Variants in PPM1L observed in about 807,000 individuals in gnomAD.
The protein encoded by PPM1L is protein phosphatase, Mg2+/Mn2+ dependent 1L.
In PPM1L, 13 loss-of-function variants were observed where a neutral mutation model predicts 31.4. That is an observed-to-expected ratio of 0.41 (90% confidence interval 0.27 to 0.66). PPM1L has a LOEUF of 0.66. PPM1L is among the 30% of genes least tolerant of loss of function. The pLI, the probability that PPM1L is intolerant of heterozygous loss-of-function variation, is 0.29. For missense variants in PPM1L, 326 were observed against 453.7 expected (o/e 0.72, Z 2.56); for synonymous variants, 184 against 175.4 (o/e 1.05, Z -0.39).
chr3:160,995,009 G>A (rs73875440), intron 2 of PPM1L, among the ~76,000 whole-genome samples: 339 of 152,258 alleles, frequency 2.2e-3, no homozygotes, highest in African/African-American at 7.9e-3. Flanking sequence ...TTGAAGAGAT[G>A]ATGAGGAAGG....
intron 1 of PPM1L, among the ~76,000 whole-genome samples, chr3:160,922,226 C>T (rs887968646): frequency 1.6e-4 from 25 of 152,192 alleles, no homozygotes; most frequent in East Asian, 1.9e-4. Context: ...AGGAGAATGG[C>T]GTGAACCTGG....
intron 2 of PPM1L, among the ~76,000 whole-genome samples, chr3:161,012,418 G>A (rs570707285): frequency 3.6e-4 from 55 of 152,246 alleles, no homozygotes; most frequent in Non-Finnish European, 7.1e-4. Flanking sequence ...GATTCGGTTT[G>A]CTAGTATTTT....
intron 1 of PPM1L, among the ~76,000 whole-genome samples, chr3:160,857,321 C>T (rs1023792345): frequency 6.6e-6 from 1 of 152,140 alleles, no homozygotes; most frequent in African/African-American, 2.4e-5. Flanking sequence ...GTCCTTATGA[C>T]TTATACCATT....
chr3:160,961,912 T>C lies in PPM1L; in HGVS notation c.574+2T>C. 6.5e-7 allele frequency: 1 copy of C among 1,545,864 alleles called. No homozygotes were observed. The highest frequency in any genetic ancestry group is 8.7e-7 in the Non-Finnish European group (1 of 1,153,392). On this transcript the variant is annotated splice_donor_variant, in intron 2 of 3. Transcript: ENST00000498165. LOFTEE classifies it high-confidence loss of function. ...TGACTGTATCCTATGATGAAGCAGG[T>C]ATGTTTGTTTTTAAAACACACATTT... is the stretch of plus-strand genomic sequence containing the variant.
intron 2 of PPM1L, among the ~76,000 whole-genome samples, chr3:161,039,585 C>G (rs939324006): frequency 6.6e-6 from 1 of 152,008 alleles, no homozygotes; most frequent in African/African-American, 2.4e-5. Context: ...TGCAGGGGTG[C>G]GATCTCGGCT....
At chr3:160,942,953 GA>G (rs1715210128) in intron 1 of PPM1L, among the ~76,000 whole-genome samples, 1 of 151,904 alleles carries the variant, frequency 6.6e-6, no homozygotes, top group Non-Finnish European at 1.5e-5. Flanking sequence ...CTGAAGGATA[GA>G]CTTTTTTTTT....
intron 1 of PPM1L, among the ~76,000 whole-genome samples, chr3:160,848,934 C>T (rs1462683206): frequency 6.6e-6 from 1 of 151,942 alleles, no homozygotes; most frequent in Non-Finnish European, 1.5e-5. Flanking sequence ...GAAAACCTCT[C>T]ATTTTTTTCC....
At chr3:160,911,505 C>T (rs1713972835) in intron 1 of PPM1L, among the ~76,000 whole-genome samples, 1 of 152,236 alleles carries the variant, frequency 6.6e-6, no homozygotes, top group Admixed American at 6.5e-5. Context: ...GCCTCAACCA[C>T]TTGTGAGTGA....
At chr3:160,918,202 G>T (rs1293272900) in intron 1 of PPM1L, among the ~76,000 whole-genome samples, 3 of 152,194 alleles carry the variant, frequency 2.0e-5, no homozygotes, top group Non-Finnish European at 4.4e-5. Context: ...TCTTTCCGAT[G>T]AGACTGAAAG....
intron 1 of PPM1L, among the ~76,000 whole-genome samples, chr3:160,912,167 G>C (rs114295274): frequency 0.012 from 1,817 of 152,204 alleles, 20 homozygotes; most frequent in Non-Finnish European, 0.018. Flanking sequence ...GACATCATGT[G>C]GGGTATGTAA....
chr3:161,047,173 T>C (rs111486931), intron 2 of PPM1L, among the ~76,000 whole-genome samples: 2,534 of 152,260 alleles, frequency 0.017, 79 homozygotes, highest in African/African-American at 0.058. Context: ...GGTGACATGA[T>C]TGCATATTTA....
At chr3:160,835,911 C>T (rs1469397344) in intron 1 of PPM1L, among the ~76,000 whole-genome samples, 1 of 151,992 alleles carries the variant, frequency 6.6e-6, no homozygotes, top group Non-Finnish European at 1.5e-5. Flanking sequence ...ATCACAGTGA[C>T]ATTATCCAGG....
At chr3:160,844,836 A>G (rs911651339) in intron 1 of PPM1L, among the ~76,000 whole-genome samples, 3 of 152,058 alleles carry the variant, frequency 2.0e-5, no homozygotes, top group Admixed American at 6.6e-5. Flanking sequence ...TCATTCTGAT[A>G]AGTTTTAGAA....
intron 2 of PPM1L, among the ~76,000 whole-genome samples, chr3:160,996,442 G>T (rs1416154977): frequency 6.6e-6 from 1 of 152,136 alleles, no homozygotes; most frequent in Non-Finnish European, 1.5e-5. Flanking sequence ...TATATATCAT[G>T]CAATACTACT....
intron 1 of PPM1L, among the ~76,000 whole-genome samples, chr3:160,937,591 G>A (rs1364226715): frequency 2.0e-5 from 3 of 152,062 alleles, no homozygotes; most frequent in African/African-American, 7.2e-5. Context: ...CTGCACTCCA[G>A]CCTGGGTGAC....
intron 1 of PPM1L, among the ~76,000 whole-genome samples, chr3:160,867,668 ATTT>A (rs991568015): frequency 3.9e-5 from 6 of 152,080 alleles, no homozygotes; most frequent in African/African-American, 7.2e-5. Flanking sequence ...TGAAAATATG[ATTT>A]TTTATTTTTT....
At chr3:160,836,384 G>A (rs890932131) in intron 1 of PPM1L, among the ~76,000 whole-genome samples, 13 of 152,142 alleles carry the variant, frequency 8.5e-5, no homozygotes, top group African/African-American at 2.9e-4. Context: ...GTGAATAGTG[G>A]GCAGGGGACT....
chr3:161,028,213 G>A (rs1718464749), intron 2 of PPM1L, among the ~76,000 whole-genome samples: 1 of 152,196 alleles, frequency 6.6e-6, no homozygotes, highest in Non-Finnish European at 1.5e-5. Context: ...CCTGGATTTG[G>A]ATAAATATTG....
chr3:160,912,641 G>C (rs973104390), intron 1 of PPM1L, among the ~76,000 whole-genome samples: 7 of 152,194 alleles, frequency 4.6e-5, no homozygotes, highest in African/African-American at 1.7e-4. Context: ...GAATATCCAT[G>C]CAAAAGAGTT....
Sources: gnomAD v4.1 joint callset for allele counts (sites outside exome capture counted in the v4.1 genomes callset) on GRCh38, gnomAD v4.1.1 for gene constraint, MANE v1.5 for transcripts, NCBI Gene and HGNC (gene_info 2026-07-23, HGNC 2026-07-21) for gene names.